Variants in WDR7 observed in about 807,000 individuals in gnomAD.
WDR7 encodes the protein WD repeat-containing protein 7.
WDR7 carries 46 observed loss-of-function variants against 169.4 expected under a neutral mutation model. The observed-to-expected ratio is 0.27, with a 90% CI of 0.21 to 0.35. The LOEUF (loss-of-function observed/expected upper bound fraction) is 0.35. Ranked by LOEUF, WDR7 falls within the 10% of genes least tolerant of loss-of-function variation. The pLI is 1.00. For missense variants in WDR7, 1,534 were observed against 1,859.3 expected, an observed-to-expected ratio of 0.83 and a Z score of 3.22; for synonymous variants, 612 against 666.8, an observed-to-expected ratio of 0.92 and a Z score of 1.27.
chr18:56,882,381 T>A (rs1335369008), intron 21 of WDR7, among the ~76,000 whole-genome samples: 1 of 152,248 alleles, frequency 6.6e-6, no homozygotes, highest in African/African-American at 2.4e-5. Context: ...AAGAAATGTC[T>A]AATCCTTTGC....
intron 26 of WDR7, among the ~76,000 whole-genome samples, chr18:56,968,796 T>C (rs1439953440): frequency 6.6e-6 from 1 of 152,112 alleles, no homozygotes; most frequent in Non-Finnish European, 1.5e-5. Context: ...CTGACTTCCC[T>C]CTCTCTCAAA....
chr18:57,014,355 G>A (rs2048178716), intron 26 of WDR7, among the ~76,000 whole-genome samples: 2 of 145,414 alleles, frequency 1.4e-5, no homozygotes, highest in South Asian at 4.4e-4. Context: ...AAGAAGAAAA[G>A]GAATAAAAGA....
chr18:56,800,783 C>G (rs934884727), intron 19 of WDR7, among the ~76,000 whole-genome samples: 1 of 152,122 alleles, frequency 6.6e-6, no homozygotes, highest in Non-Finnish European at 1.5e-5. Context: ...TCTTAAAGCA[C>G]TTTCTTACTT....
chr18:56,728,645 A>G (rs1478431611), intron 13 of WDR7, among the ~76,000 whole-genome samples: 2 of 151,404 alleles, frequency 1.3e-5, no homozygotes, highest in African/African-American at 4.9e-5. Context: ...ATCCCCACTC[A>G]CCATATGGAT....
chr18:56,779,425 T>G lies in WDR7; in HGVS notation c.2948-6T>G. 1.3e-6 allele frequency: 2 copies of G among 1,593,252 alleles called. No homozygotes were observed. Among genetic ancestry groups the G allele is most frequent in the Non-Finnish European group, 1.7e-6 (2 of 1,170,274 alleles). The stretch of plus-strand genomic sequence containing the variant: ...AAGAATTTGTAATATATTACATTTT[T>G]GACAGGTTGGAGTCAGTTAGCTGCT... On this transcript the variant is annotated splice_polypyrimidine_tract_variant and splice_region_variant and intron_variant, in intron 17 of 27. Coordinates refer to ENST00000254442, the MANE Select transcript of WDR7 (RefSeq NM_015285.3).
intron 20 of WDR7, among the ~76,000 whole-genome samples, chr18:56,869,656 C>T (rs2045927514): frequency 6.6e-6 from 1 of 152,098 alleles, no homozygotes; most frequent in South Asian, 2.1e-4. Context: ...TGTGGAAGTG[C>T]CCTATGACAG....
chr18:56,942,648 T>A (rs926810243), intron 25 of WDR7, among the ~76,000 whole-genome samples: 1 of 152,220 alleles, frequency 6.6e-6, no homozygotes, highest in African/African-American at 2.4e-5. Context: ...ACCAGAAATG[T>A]GCCATAGAAA....
At chr18:56,936,084 G>C (rs2046957506) in intron 23 of WDR7, 179 bp downstream of exon 23, 3 of 544,058 alleles carry the variant, frequency 5.5e-6, no homozygotes. Context: ...ATTCCACGGT[G>C]TGGTGCATTC....
intron 1 of WDR7, among the ~76,000 whole-genome samples, chr18:56,655,025 C>G (rs2024736702): frequency 6.6e-6 from 1 of 152,162 alleles, no homozygotes; most frequent in East Asian, 1.9e-4. Context: ...ACTGTTTTAA[C>G]TCTATGGTTT....
At chr18:56,755,238 T>G (rs2043866448) in intron 14 of WDR7, among the ~76,000 whole-genome samples, 1 of 152,212 alleles carries the variant, frequency 6.6e-6, no homozygotes, top group Non-Finnish European at 1.5e-5. Flanking sequence ...GTAGTGAACT[T>G]TTAAGTATGT....
chr18:56,718,755 G>A (rs183701564), intron 13 of WDR7, among the ~76,000 whole-genome samples: 81 of 152,224 alleles, frequency 5.3e-4, no homozygotes, highest in African/African-American at 1.9e-3. Flanking sequence ...TATTGGTTTA[G>A]GCCTTTTTGA....
At chr18:56,938,790 G>T in intron 24 of WDR7, 108 bp downstream of exon 24, 5 of 1,188,786 alleles carry the variant, frequency 4.2e-6, no homozygotes, top group East Asian at 2.8e-5. Flanking sequence ...AGAGATGAAG[G>T]GTGAGAGAGA....
chr18:56,723,147 A>G (rs998609162), intron 13 of WDR7, among the ~76,000 whole-genome samples: 2 of 151,748 alleles, frequency 1.3e-5, no homozygotes, highest in Non-Finnish European at 2.9e-5. Context: ...TCTTCTTGCT[A>G]GTGTCATCCA....
intron 26 of WDR7, among the ~76,000 whole-genome samples, chr18:57,007,960 A>G (rs948096709): frequency 6.6e-6 from 1 of 152,056 alleles, no homozygotes; most frequent in Admixed American, 6.5e-5. Flanking sequence ...ACATCTCTCT[A>G]TGTGCTGGTT....
chr18:57,006,844 T>C (rs1266299155), intron 26 of WDR7, among the ~76,000 whole-genome samples: 1 of 152,134 alleles, frequency 6.6e-6, no homozygotes, highest in Non-Finnish European at 1.5e-5. Flanking sequence ...ATTTGGTTAA[T>C]TTTTTTGTGT....
At chr18:56,802,664 G>C (rs2044699348) in intron 19 of WDR7, among the ~76,000 whole-genome samples, 1 of 151,804 alleles carries the variant, frequency 6.6e-6, no homozygotes, top group Admixed American at 6.6e-5. Flanking sequence ...CACCGCACCT[G>C]GCCCAACAGT....
chr18:56,913,203 T>C (rs2046576857), intron 21 of WDR7, among the ~76,000 whole-genome samples: 1 of 152,172 alleles, frequency 6.6e-6, no homozygotes, highest in Non-Finnish European at 1.5e-5. Flanking sequence ...GGTTTCTGTA[T>C]TGGTCTCCAG....
chr18:56,721,638 A>G (rs2026323935), intron 13 of WDR7: 1 of 152,252 alleles, frequency 6.6e-6, no homozygotes, highest in Non-Finnish European at 1.5e-5. Flanking sequence ...TTCTGGGATC[A>G]ACCGTCTCGT....
intron 12 of WDR7, among the ~76,000 whole-genome samples, chr18:56,707,163 A>G (rs1425020174): frequency 1.3e-5 from 2 of 151,910 alleles, no homozygotes; most frequent in Non-Finnish European, 2.9e-5. Flanking sequence ...TTATGTTTTT[A>G]GTAGAGATGA....
Sources: allele counts gnomAD v4.1 joint callset (sites outside exome capture counted in the v4.1 genomes callset), GRCh38; gene constraint gnomAD v4.1.1; transcripts MANE v1.5; gene names NCBI Gene and HGNC (gene_info 2026-07-23, HGNC 2026-07-21).